TRPM3: variants seen among roughly 807,000 people sequenced by gnomAD.
TRPM3 encodes long transient receptor potential channel 3.
TRPM3 carries 77 observed loss-of-function variants against 181.2 expected under a neutral mutation model. That is an observed-to-expected ratio of 0.42 (90% CI 0.35 to 0.51). The LOEUF is 0.51. TRPM3 is among the 20% of genes least tolerant of loss of function. The pLI is 0.01. For missense variants in TRPM3, 1,759 were observed against 2,196.7 expected (o/e 0.80, Z 3.98); for synonymous variants, 745 against 796.4 (o/e 0.94, Z 1.09).
intron 1 of TRPM3, among the ~76,000 whole-genome samples, chr9:70,938,939 C>A (rs1212072375): frequency 2.1e-5 from 3 of 146,020 alleles, no homozygotes; most frequent in African/African-American, 7.7e-5. Context: ...GCCTGGGGGA[C>A]AGAGCGAGAC....
intron 1 of TRPM3, among the ~76,000 whole-genome samples, chr9:71,411,877 A>G (rs1340748688): frequency 2.0e-5 from 3 of 152,252 alleles, no homozygotes; most frequent in Non-Finnish European, 4.4e-5. Flanking sequence ...CCAAAACAGC[A>G]TGGTACTGGT....
At chr9:71,417,996 T>A (rs890937073) in intron 1 of TRPM3, among the ~76,000 whole-genome samples, 4 of 151,828 alleles carry the variant, frequency 2.6e-5, no homozygotes, top group Admixed American at 6.6e-5. Flanking sequence ...GAGAAGGACA[T>A]GAAAAATATA....
chr9:70,639,357 G>T (rs571170900), intron 10 of TRPM3, among the ~76,000 whole-genome samples, 163 bp from the exon 11 acceptor site: 118 of 152,254 alleles, frequency 7.8e-4, no homozygotes, highest in Middle Eastern at 3.4e-3. Context: ...TCACTTTTGG[G>T]ACAGCCACAC....
At chr9:70,539,707 C>A (rs1447880573) in intron 25 of TRPM3, among the ~76,000 whole-genome samples, 2 of 152,158 alleles carry the variant, frequency 1.3e-5, no homozygotes, top group African/African-American at 2.4e-5. Flanking sequence ...GCCCAAGAAA[C>A]AAAATTACTT....
At chr9:70,557,104 G>C (rs981395376) in intron 22 of TRPM3, among the ~76,000 whole-genome samples, 1 of 152,206 alleles carries the variant, frequency 6.6e-6, no homozygotes, top group Non-Finnish European at 1.5e-5. Context: ...TTAGAGAGAT[G>C]CTTCCTGTTC....
At chr9:70,816,081 GT>G (rs2092662798) in intron 6 of TRPM3, among the ~76,000 whole-genome samples, 1 of 152,114 alleles carries the variant, frequency 6.6e-6, no homozygotes, top group Non-Finnish European at 1.5e-5. Context: ...TACCATTTAG[GT>G]TTCATTGAAT....
intron 6 of TRPM3, among the ~76,000 whole-genome samples, chr9:70,794,414 AT>A (rs1173851798): frequency 2.0e-5 from 3 of 152,148 alleles, no homozygotes; most frequent in Non-Finnish European, 4.4e-5. Context: ...CACCTTCTAC[AT>A]TCCAGTGAGG....
chr9:70,931,542 A>C, intron 1 of TRPM3, among the ~76,000 whole-genome samples: 1 of 152,298 alleles, frequency 6.6e-6, no homozygotes, highest in East Asian at 1.9e-4. Context: ...AGTTTGAATA[A>C]AATATTTAAT....
intron 1 of TRPM3, among the ~76,000 whole-genome samples, chr9:71,421,001 G>GAGAGAAAAAGAGAAAA (rs1554658590): frequency 3.3e-5 from 4 of 123,020 alleles, no homozygotes; most frequent in Non-Finnish European, 7.3e-5. Flanking sequence ...GAGAGAAAAA[G>GAGAGAAAAAGAGAAAA]AGAGAAAAAG....
intron 8 of TRPM3, among the ~76,000 whole-genome samples, chr9:70,747,116 T>C (rs1487542492): frequency 5.3e-5 from 8 of 152,238 alleles, no homozygotes; most frequent in Admixed American, 5.2e-4. Flanking sequence ...GTCTGCTATA[T>C]ATATGCTATG....
At chr9:71,408,183 A>C (rs940897488) in intron 1 of TRPM3, among the ~76,000 whole-genome samples, 2 of 152,168 alleles carry the variant, frequency 1.3e-5, no homozygotes, top group African/African-American at 4.8e-5. Context: ...TAAAAACCAG[A>C]GCACCTCTTC....
At chr9:71,211,883 T>C (rs182771575) in intron 1 of TRPM3, among the ~76,000 whole-genome samples, 3 of 152,308 alleles carry the variant, frequency 2.0e-5, no homozygotes, top group Non-Finnish European at 4.4e-5. Context: ...TTAGGACTTC[T>C]TTTTGGGAGA....
intron 1 of TRPM3, among the ~76,000 whole-genome samples, chr9:70,945,024 AT>A (rs1418541471): frequency 1.3e-5 from 2 of 152,128 alleles, no homozygotes; most frequent in Admixed American, 6.6e-5. Flanking sequence ...AGCCACATTC[AT>A]TTTTTGCCTT....
At chr9:71,340,186 A>C (rs1368839511) in intron 1 of TRPM3, among the ~76,000 whole-genome samples, 1 of 152,218 alleles carries the variant, frequency 6.6e-6, no homozygotes, top group Non-Finnish European at 1.5e-5. Context: ...AATGAGATCC[A>C]GATTTAGCAT....
intron 1 of TRPM3, among the ~76,000 whole-genome samples, chr9:71,050,189 G>T (rs1229979115): frequency 6.6e-6 from 1 of 152,134 alleles, no homozygotes; most frequent in Non-Finnish European, 1.5e-5. Context: ...GTTAAATGGG[G>T]ATTATGACTT....
intron 1 of TRPM3, among the ~76,000 whole-genome samples, chr9:71,201,225 G>A (rs1345891991): frequency 6.6e-6 from 1 of 151,930 alleles, no homozygotes; most frequent in African/African-American, 2.4e-5. Context: ...GGCTTGTAGA[G>A]TTTCTGCTGA....
intron 1 of TRPM3, among the ~76,000 whole-genome samples, chr9:71,240,215 A>G (rs1434376324): frequency 1.3e-5 from 2 of 152,198 alleles, no homozygotes; most frequent in Non-Finnish European, 2.9e-5. Context: ...TCTTTAAAGC[A>G]TATGTTGTAA....
At chr9:70,998,400 C>T (rs979016610) in intron 1 of TRPM3, among the ~76,000 whole-genome samples, 1 of 151,818 alleles carries the variant, frequency 6.6e-6, no homozygotes, top group Non-Finnish European at 1.5e-5. Flanking sequence ...GAGGAAGGTA[C>T]AGAGATTTCC....
chr9:71,251,039 AATGGATGGATGAATGG>A (rs755814220), intron 1 of TRPM3, among the ~76,000 whole-genome samples: 3 of 152,104 alleles, frequency 2.0e-5, no homozygotes, highest in Non-Finnish European at 2.9e-5. Flanking sequence ...TGGATAGAGA[AATGGATGGATGAATGG>A]ATGGATGGGA....
Sources: allele counts gnomAD v4.1 joint callset (sites outside exome capture counted in the v4.1 genomes callset), GRCh38; gene constraint gnomAD v4.1.1; transcripts MANE v1.5; gene names NCBI Gene and HGNC (gene_info 2026-07-23, HGNC 2026-07-21).